ADAMTSL3: variants seen among roughly 807,000 people sequenced by gnomAD.
The protein encoded by ADAMTSL3 is ADAMTS like 3.
ADAMTSL3 carries 128 observed loss-of-function variants against 201.7 expected under a neutral mutation model. The observed-to-expected ratio is 0.63, with a 90% CI of 0.55 to 0.73. The LOEUF (loss-of-function observed/expected upper bound fraction) is 0.73. Among genes scored for constraint, ADAMTSL3 ranks in the 30% least tolerant of loss-of-function variants. The pLI is 0.00. For synonymous variants in ADAMTSL3, 738 were observed against 748.4 expected (o/e 0.99, Z 0.23); for missense variants, 1,990 against 2,119.6 (o/e 0.94, Z 1.20).
chr15:83,785,770 A>T (rs1469906497), intron 4 of ADAMTSL3, among the ~76,000 whole-genome samples: 2 of 149,616 alleles, frequency 1.3e-5, no homozygotes, highest in Non-Finnish European at 3.0e-5. Flanking sequence ...CACATTTATC[A>T]TGTTCTCTTT....
In ADAMTSL3 at chr15:83,991,132, G is replaced by A. The variant is rs1012326398; in HGVS notation, c.3891G>A (p.Glu1297=). The A allele has an allele frequency of 2.5e-6, 4 of 1,614,104 alleles. No individual in the cohort carries two copies. In the African/African-American group the frequency reaches 4.0e-5, roughly 16 times the overall value. ...LSVERNITKP[E]HNHLSVVVGG... ...TTGAAAGAAATATCACCAAACCAGA[G>A]CACAACCATCTGTCTGTTGTGGTTG... The change falls in exon 23 of 30, where the codon GAG becomes GAA. Residue 1297 remains glutamate (E), a synonymous_variant. Transcript: ENST00000286744.
chr15:83,839,847 TA>T (rs1316756726), intron 7 of ADAMTSL3, among the ~76,000 whole-genome samples: 7 of 152,182 alleles, frequency 4.6e-5, no homozygotes, highest in African/African-American at 1.4e-4. Flanking sequence ...AGGAGACACA[TA>T]TCAGAGGTGA....
intron 23 of ADAMTSL3, among the ~76,000 whole-genome samples, chr15:83,993,289 C>A (rs1055277171): frequency 6.6e-6 from 1 of 152,170 alleles, no homozygotes; most frequent in African/African-American, 2.4e-5. Context: ...CTTCCCTCAT[C>A]TCTAAAGCAG....
At chr15:83,722,895 C>T (rs1380656985) in intron 3 of ADAMTSL3, among the ~76,000 whole-genome samples, 2 of 151,640 alleles carry the variant, frequency 1.3e-5, no homozygotes, top group Non-Finnish European at 2.9e-5. Flanking sequence ...AAAATTTAAC[C>T]ATAAAAACAT....
intron 4 of ADAMTSL3, 116 bp downstream of exon 4, chr15:83,773,766 T>C: frequency 7.4e-7 from 1 of 1,344,918 alleles, no homozygotes; most frequent in Admixed American, 2.9e-5. Flanking sequence ...GGTGTAACGT[T>C]TGCTTTGTCT....
At chr15:83,700,543 C>A (rs7179422) in intron 2 of ADAMTSL3, among the ~76,000 whole-genome samples, 1 of 152,136 alleles carries the variant, frequency 6.6e-6, no homozygotes, top group Non-Finnish European at 1.5e-5. Flanking sequence ...GCGGGCAGGT[C>A]GCCTGAGATT....
chr15:83,748,075 C>T (rs2062576778), intron 3 of ADAMTSL3, among the ~76,000 whole-genome samples: 1 of 152,116 alleles, frequency 6.6e-6, no homozygotes, highest in African/African-American at 2.4e-5. Flanking sequence ...CACCTCCAAT[C>T]CCATGTTTGA....
At chr15:83,989,040 G>A (rs540901102) in intron 22 of ADAMTSL3, among the ~76,000 whole-genome samples, 183 of 151,760 alleles carry the variant, frequency 1.2e-3, no homozygotes, top group Non-Finnish European at 2.1e-3. Context: ...CCGCCACCAC[G>A]CCCGGCTAAT....
At chr15:83,687,703 T>C (rs2061556783) in intron 2 of ADAMTSL3, among the ~76,000 whole-genome samples, 1 of 152,128 alleles carries the variant, frequency 6.6e-6, no homozygotes, top group Admixed American at 6.5e-5. Flanking sequence ...ACTTCTTAGA[T>C]TGTGTATGTG....
intron 5 of ADAMTSL3, among the ~76,000 whole-genome samples, chr15:83,807,464 TAAATC>T (rs1428702253): frequency 2.0e-5 from 3 of 151,972 alleles, no homozygotes; most frequent in East Asian, 3.9e-4. Context: ...AATAAATAAA[TAAATC>T]AAAACAGTAA....
rs1185632730 is a variant in ADAMTSL3, at chr15:83,856,518, A to G, written c.728-2248A>G. On this transcript the variant is annotated intron_variant, in intron 7 of 29. Transcript: ENST00000286744. ...AAAAAGCTAAATAAGAATCCATTGTAGGTATATACCAAAAAACATCTGTGA... is the reference window on the plus strand; with the variant it reads ...AAAAAGCTAAATAAGAATCCATTGTGGGTATATACCAAAAAACATCTGTGA... 2.6e-5 allele frequency among the ~76,000 whole-genome samples: 4 copies of G among 152,058 alleles called. 1 individual carries two copies. Among genetic ancestry groups the G allele is most frequent in the African/African-American group, 9.7e-5 (4 of 41,404 alleles).
At chr15:83,748,130 A>G (rs1359102948) in intron 3 of ADAMTSL3, among the ~76,000 whole-genome samples, 1 of 152,196 alleles carries the variant, frequency 6.6e-6, no homozygotes, top group Admixed American at 6.5e-5. Flanking sequence ...AGGGAGTAGC[A>G]CATCAAAAGT....
chr15:83,837,825 T>A (rs1291769743), intron 6 of ADAMTSL3, among the ~76,000 whole-genome samples: 1 of 150,380 alleles, frequency 6.6e-6, no homozygotes, highest in Non-Finnish European at 1.5e-5. Context: ...GACAGAAATC[T>A]GAATAAAAAT....
At chr15:83,663,792 C>T (rs1567057821) in intron 2 of ADAMTSL3, among the ~76,000 whole-genome samples, 1 of 152,164 alleles carries the variant, frequency 6.6e-6, no homozygotes, top group East Asian at 1.9e-4. Flanking sequence ...GCCAAGTTGC[C>T]CTGAAAATCT....
intron 23 of ADAMTSL3, among the ~76,000 whole-genome samples, chr15:84,001,142 G>A (rs1208007035): frequency 1.3e-5 from 2 of 152,182 alleles, no homozygotes; most frequent in African/African-American, 2.4e-5. Flanking sequence ...TTAAGCTGAC[G>A]TTACATGTAT....
chr15:83,936,716 A>G (rs1393147797), intron 17 of ADAMTSL3, among the ~76,000 whole-genome samples: 1 of 151,122 alleles, frequency 6.6e-6, no homozygotes, highest in Non-Finnish European at 1.5e-5. Context: ...CTATCAACAG[A>G]GTAAATAGCC....
At chr15:83,666,964 T>G (rs2061255842) in intron 2 of ADAMTSL3, among the ~76,000 whole-genome samples, 1 of 152,100 alleles carries the variant, frequency 6.6e-6, no homozygotes, top group Non-Finnish European at 1.5e-5. Context: ...AGTATTAATT[T>G]TTTATCTTAT....
At chr15:83,708,993 C>T (rs1433393177) in intron 3 of ADAMTSL3, among the ~76,000 whole-genome samples, 1 of 152,160 alleles carries the variant, frequency 6.6e-6, no homozygotes, top group Non-Finnish European at 1.5e-5. Context: ...TGAGATATAT[C>T]CAGGAGCTTC....
chr15:83,839,067 C>T (rs974438634), intron 7 of ADAMTSL3, among the ~76,000 whole-genome samples: 4 of 152,162 alleles, frequency 2.6e-5, no homozygotes, highest in Admixed American at 6.5e-5. Context: ...AAATTATTCA[C>T]GTATGTTTTC....
Sources: gnomAD v4.1 joint callset for allele counts (sites outside exome capture counted in the v4.1 genomes callset) on GRCh38, gnomAD v4.1.1 for gene constraint, MANE v1.5 for transcripts, NCBI Gene and HGNC (gene_info 2026-07-23, HGNC 2026-07-21) for gene names.